The following TPR variants were observed in gnomAD, a reference collection of about 807,000 sequenced individuals.
TPR encodes the protein translocated promoter region, nuclear basket protein.
A neutral mutation model predicts 316.1 loss-of-function variants in TPR; 51 were observed. That is an observed-to-expected ratio of 0.16 (90% CI 0.13 to 0.20). The LOEUF (loss-of-function observed/expected upper bound fraction) is 0.20. Among genes scored for constraint, TPR ranks in the 10% least tolerant of loss-of-function variants. TPR has a pLI of 1.00. For missense variants in TPR, 2,272 were observed against 2,754.8 expected, an observed-to-expected ratio of 0.82 and a Z score of 3.92; for synonymous variants, 981 against 914.7, an observed-to-expected ratio of 1.07 and a Z score of -1.31.
At chr1:186,318,279 G>T (rs143046168) in intron 48 of TPR, among the ~76,000 whole-genome samples, 168 bp downstream of exon 48, 14 of 150,752 alleles carry the variant, frequency 9.3e-5, no homozygotes, top group African/African-American at 2.7e-4. Context: ...ACTGAGCCGA[G>T]ATCACGCCAC....
At chr1:186,351,538 G>A in intron 19 of TPR, 68 bp from the exon 20 acceptor site, 2 of 1,463,300 alleles carry the variant, frequency 1.4e-6, no homozygotes, top group Non-Finnish European at 1.8e-6. Context: ...AAAATTGAAG[G>A]CAAGAAAGAA....
In TPR at chr1:186,312,603, T is replaced by C; in HGVS notation, c.*1368A>G. The stretch of plus-strand genomic sequence containing the variant: ...CAGGTTTGTTAGTTATAACCAATAC[T>C]ATTTATCAAGTACTTCTTACCAAGA... On this transcript the variant is annotated 3_prime_UTR_variant, in exon 51 of 51. Coordinates refer to ENST00000367478, the MANE Select transcript of TPR (RefSeq NM_003292.3). The C allele has an allele frequency of 2.5e-6, 2 of 802,234 alleles. No individual in the cohort carries two copies. Among genetic ancestry groups the C allele is most frequent in the Non-Finnish European group, 4.0e-6 (2 of 506,138 alleles). 49.7% of individuals were successfully genotyped at this position (802,234 alleles called of 1,614,324 possible). A position where few individuals can be genotyped will look rare whatever the true frequency, so the allele number is the denominator to read the frequency against.
Position 186,343,396 on chromosome 1 carries a change from C to T in TPR, c.3680G>A (p.Arg1227Lys), listed in dbSNP as rs375256690. Residue 1227 changes from arginine to lysine, a missense_variant, in exon 27 of 51, where the codon AGG becomes AAG. Arg to Lys is a conservative substitution (Grantham distance 26). Around this residue, in one of 10 missense-constraint regions of TPR, gnomAD observed 757 missense variants for 859.8 expected, o/e 0.88. Coordinates refer to ENST00000367478, the MANE Select transcript of TPR (RefSeq NM_003292.3). ...AQVESLRYRQ[R>K]VELLERELQE... The stretch of plus-strand genomic sequence containing the variant: ...CAGCTCTCTTTCTAAAAGTTCAACC[C>T]TTTGTCGATAACGCAGACTCTCAAC... The T allele has an allele frequency of 3.3e-5, 53 of 1,613,990 alleles. No individual in the cohort carries two copies. The highest frequency in any genetic ancestry group is 1.2e-4 in the African/African-American group (9 of 74,944).
intron 17 of TPR, among the ~76,000 whole-genome samples, chr1:186,354,267 T>G (rs1022254958): frequency 6.6e-6 from 1 of 152,228 alleles, no homozygotes; most frequent in Non-Finnish European, 1.5e-5. Flanking sequence ...AGCAAAGTAT[T>G]TCATGCTAAG....
At chr1:186,341,969 A>G (rs1316801546) in intron 27 of TPR, 1 of 148,468 alleles carries the variant, frequency 6.7e-6, no homozygotes, top group African/African-American at 2.5e-5. Flanking sequence ...CATTACTATT[A>G]TAATTTTTTT....
chr1:186,361,661 C>A lies in TPR; in HGVS notation c.919G>T (p.Val307Leu). The A allele has an allele frequency of 6.2e-7, 1 of 1,613,378 alleles. No homozygotes were observed. The highest frequency in any genetic ancestry group is 8.5e-7 in the Non-Finnish European group (1 of 1,179,462). ...EAKSNELTRA[V>L]EELHKLLKEA... ...TTCAAAAGTTTGTGTAGTTCCTCTA[C>A]TGCCCGGGTTAGTTCATTGCTCTTT... The change falls in exon 9 of 51, where the codon GTA (valine) becomes TTA (leucine). Residue 307 changes from valine (V) to leucine (L), a missense_variant. Around this residue, in one of 10 missense-constraint regions of TPR, gnomAD observed 549 missense variants for 598.6 expected, o/e 0.92. Coordinates refer to ENST00000367478, the MANE Select transcript of TPR (RefSeq NM_003292.3).
chr1:186,333,019 C>T (rs953702135), intron 37 of TPR, 103 bp downstream of exon 37: 66 of 1,388,080 alleles, frequency 4.8e-5, no homozygotes, highest in Non-Finnish European at 6.2e-5. Context: ...TCTATTCTAA[C>T]TTCATTTGTA....
intron 19 of TPR, 133 bp from the exon 20 acceptor site, chr1:186,351,603 CA>C: frequency 1.1e-6 from 1 of 928,190 alleles, no homozygotes; most frequent in Non-Finnish European, 1.5e-6. Flanking sequence ...CAGTATTTAT[CA>C]AGAAAGTATT....
At position 186,347,205 on chromosome 1, in the gene TPR, G is replaced by A. The variant is rs573915933; in HGVS notation, c.2943+87C>T. 18 of 1,413,186 alleles carry A rather than the reference G, an allele frequency of 1.3e-5. No homozygotes were observed. In the South Asian group the frequency reaches 2.0e-4, roughly 15 times the overall value. 87.5% of individuals were successfully genotyped at this position (1,413,186 alleles called of 1,614,324 possible). On this transcript the variant is annotated intron_variant, in intron 22 of 50. Transcript: ENST00000367478. Reference sequence around the variant, plus strand: ...AATGACCCTGGTCTAATTCATACGAGTGCCTTAAAAAAGCAGTCCTCTAGT... The same window carrying A: ...AATGACCCTGGTCTAATTCATACGAATGCCTTAAAAAAGCAGTCCTCTAGT...
chr1:186,369,008 G>A (rs757291647), intron 3 of TPR, among the ~76,000 whole-genome samples: 1 of 152,152 alleles, frequency 6.6e-6, no homozygotes, highest in Non-Finnish European at 1.5e-5. Flanking sequence ...ATGAGGAGAC[G>A]ATCACAACTC....
In TPR at chr1:186,374,217, A is replaced by C. The variant is rs761027379; in HGVS notation, c.151+661T>G. ...ACTAATGGTAATGACTATATTCTTC[A>C]TATTTTTTTCAAGGATGTTCAAGCC... On this transcript the variant is annotated intron_variant, in intron 1 of 50. Transcript: ENST00000367478. 2.6e-5 allele frequency among the ~76,000 whole-genome samples: 4 copies of C among 152,308 alleles called. No individual in the cohort carries two copies. In the East Asian group the frequency reaches 7.7e-4, roughly 29 times the overall value.
In TPR at chr1:186,351,262, T is replaced by C. The variant is rs1658852810; in HGVS notation, c.2610+68A>G. The C allele has an allele frequency of 4.9e-6, 7 of 1,441,408 alleles. No homozygotes were observed. In the Admixed American group the frequency reaches 1.8e-4, roughly 38 times the overall value. 89.3% of individuals were successfully genotyped at this position (1,441,408 alleles called of 1,614,324 possible). ...TCATGCTTCATCTTGGATGGCAGAC[T>C]GTCCACACACCAGATTAATTACTGA... On this transcript the variant is annotated intron_variant, in intron 20 of 50. Transcript: ENST00000367478.
chr1:186,326,132 T>C lies in TPR; in HGVS notation c.5993A>G (p.Asn1998Ser), dbSNP rs750220913. ...AGCATCATCAGCTTCATAACCATCA[T>C]TGCCATCGGCACTACCAGTTCCTTC... ...SNEGTGSADGNDGYEADDAEG... is the reference protein window; with the variant it reads ...SNEGTGSADGSDGYEADDAEG... Residue 1998 changes from asparagine (N) to serine (S), a missense_variant, in exon 41 of 51, where the codon AAT (asparagine) becomes AGT (serine). Asn to Ser is a conservative substitution (Grantham distance 46, BLOSUM62 1). Around this residue, in one of 10 missense-constraint regions of TPR, gnomAD observed 435 missense variants for 461.1 expected, o/e 0.94. Coordinates refer to ENST00000367478, the MANE Select transcript of TPR (RefSeq NM_003292.3). 19 of 1,613,614 alleles carry C rather than the reference T, an allele frequency of 1.2e-5. No individual in the cohort carries two copies. The highest frequency in any genetic ancestry group is 2.7e-5 in the African/African-American group (2 of 74,916).
intron 43 of TPR, 103 bp from the exon 44 acceptor site, chr1:186,322,689 G>A: frequency 1.7e-6 from 2 of 1,151,854 alleles, no homozygotes; most frequent in Non-Finnish European, 2.6e-6. Context: ...CAACAAAATA[G>A]TTAGCAGACA....
chr1:186,341,982 T>G (rs1031146601), intron 27 of TPR: 1 of 152,290 alleles, frequency 6.6e-6, no homozygotes, highest in Admixed American at 6.5e-5. Context: ...ATTTTTTTTT[T>G]TTTTTGAGAC....
Position 186,347,474 on chromosome 1 carries a change from G to T in TPR, c.2777-16C>A, listed in dbSNP as rs1284223648. 6.2e-7 allele frequency: 1 copy of T among 1,609,244 alleles called. No homozygotes were observed. The highest frequency in any genetic ancestry group is 8.5e-7 in the Non-Finnish European group (1 of 1,178,254). ...CTAGGCTGACCTAAAAGACATAACA[G>T]CTCTGTTAAAATTAACATTTTCAAT... is the stretch of plus-strand genomic sequence containing the variant. On this transcript the variant is annotated splice_polypyrimidine_tract_variant and intron_variant, in intron 21 of 50. Coordinates refer to ENST00000367478, the MANE Select transcript of TPR (RefSeq NM_003292.3).
Position 186,343,473 on chromosome 1 carries a change from T to A in TPR, c.3603A>T (p.Arg1201Ser). Residue 1201 changes from arginine (R) to serine (S), a missense_variant and splice_region_variant, in exon 27 of 51, where the codon AGA becomes AGT. Transcript: ENST00000367478. ...KSQEQILEILRFIRREKEIAE... is the reference protein window; with the variant it reads ...KSQEQILEILSFIRREKEIAE... ...CAATTTCTTTTTCTCGTCGTATAAA[T>A]CTACAAAAATACAGATATTAAAATT... 6.2e-7 allele frequency: 1 copy of A among 1,609,386 alleles called. No homozygotes were observed. The highest frequency in any genetic ancestry group is 1.1e-5 in the South Asian group (1 of 89,534).
At chr1:186,348,991 A>T (rs761286424) in intron 21 of TPR, among the ~76,000 whole-genome samples, 1 of 152,198 alleles carries the variant, frequency 6.6e-6, no homozygotes, top group Non-Finnish European at 1.5e-5. Context: ...ATATGGACAG[A>T]TACAGAGAGA....
chr1:186,323,958 A>G, intron 42 of TPR, 88 bp from the exon 43 acceptor site: 1 of 1,324,716 alleles, frequency 7.5e-7, no homozygotes, highest in Non-Finnish European at 1.0e-6. Context: ...TCTTGCCAAC[A>G]GGAATGTTCA....
Sources: allele counts gnomAD v4.1 joint callset (sites outside exome capture counted in the v4.1 genomes callset), GRCh38; gene constraint gnomAD v4.1.1; regional missense constraint gnomAD v4.1.1; transcripts MANE v1.5; gene names NCBI Gene and HGNC (gene_info 2026-07-23, HGNC 2026-07-21).